OTOP1: variants seen among roughly 807,000 people sequenced by gnomAD.
OTOP1 encodes otopetrin 1.
In OTOP1, 59 loss-of-function variants were observed where a neutral mutation model predicts 52.9. The ratio of observed to expected loss-of-function variants is 1.12; its 90% CI spans 0.91 to 1.39. The LOEUF (loss-of-function observed/expected upper bound fraction) is 1.39, where lower values mean the gene tolerates loss of function less well. Among genes scored for constraint, OTOP1 ranks in the 40% most tolerant of loss-of-function variants. OTOP1 has a pLI of 0.00. For synonymous variants in OTOP1, 317 were observed against 337.7 expected (o/e 0.94, Z 0.67); for missense variants, 761 against 800.9 (o/e 0.95, Z 0.60).
intron 1 of OTOP1, among the ~76,000 whole-genome samples, chr4:4,214,096 A>G (rs1206542762): frequency 1.3e-5 from 2 of 152,208 alleles, no homozygotes; most frequent in Non-Finnish European, 2.9e-5. Context: ...GTCTCCAAAA[A>G]TCAATCAATC....
chr4:4,192,678 C>T (rs1326588869), intron 5 of OTOP1, among the ~76,000 whole-genome samples: 4 of 152,206 alleles, frequency 2.6e-5, no homozygotes, highest in Admixed American at 6.5e-5. Flanking sequence ...GTATCACCAT[C>T]TCCCCAGGAA....
At chr4:4,199,217 A>T (rs1716720178) in intron 4 of OTOP1, among the ~76,000 whole-genome samples, 1 of 46,516 alleles carries the variant, frequency 2.1e-5, no homozygotes, top group Non-Finnish European at 4.7e-5. Flanking sequence ...AACTCAGGTA[A>T]AATTGTGTGT....
intron 3 of OTOP1, among the ~76,000 whole-genome samples, chr4:4,203,149 A>C (rs753335439): frequency 6.6e-6 from 1 of 152,280 alleles, no homozygotes; most frequent in African/African-American, 2.4e-5. Flanking sequence ...TCTAATGGGC[A>C]CTACAGAAAT....
At chr4:4,225,448 A>C (rs1717407573) in intron 1 of OTOP1, among the ~76,000 whole-genome samples, 1 of 151,984 alleles carries the variant, frequency 6.6e-6, no homozygotes. Flanking sequence ...GTGTGTCTAT[A>C]GTTCCAGCTA....
intron 2 of OTOP1, among the ~76,000 whole-genome samples, chr4:4,212,640 A>C (rs529586679): frequency 1.3e-5 from 2 of 152,234 alleles, no homozygotes; most frequent in Non-Finnish European, 2.9e-5. Flanking sequence ...CATCATTAGA[A>C]GTTCTGCCTC....
intron 4 of OTOP1, among the ~76,000 whole-genome samples, chr4:4,199,659 T>G (rs1441514195): frequency 6.6e-6 from 1 of 152,180 alleles, no homozygotes. Flanking sequence ...GAGATCCGCC[T>G]GCCTCCGCCT....
intron 5 of OTOP1, among the ~76,000 whole-genome samples, chr4:4,193,140 T>A (rs1017683923): frequency 1.3e-5 from 2 of 152,028 alleles, no homozygotes; most frequent in Admixed American, 1.3e-4. Flanking sequence ...TAGGATAGAG[T>A]CTTGGCTCGC....
Position 4,220,067 on chromosome 4 carries a change from A to ATGTATATACG in OTOP1, c.403+6394_403+6395insCGTATATACA, listed in dbSNP as rs1336018187. The stretch of plus-strand genomic sequence containing the variant: ...CATATATACATATACGTGTATATAC[A>ATGTATATACG]TATATATGTATACATATATATATAT... On this transcript the variant is annotated intron_variant, in intron 1 of 5. Coordinates refer to ENST00000296358, the MANE Select transcript of OTOP1 (RefSeq NM_177998.3). 5.7e-3 allele frequency among the ~76,000 whole-genome samples: 732 copies of ATGTATATACG among 128,716 alleles called. 3 individuals are homozygous for ATGTATATACG. Among genetic ancestry groups the ATGTATATACG allele is most frequent in the Non-Finnish European group, 9.5e-3 (590 of 62,180 alleles). 84.4% of individuals were successfully genotyped at this position (128,716 alleles called of 152,430 possible).
intron 1 of OTOP1, among the ~76,000 whole-genome samples, chr4:4,223,707 C>T (rs1399880206): frequency 6.6e-6 from 1 of 151,902 alleles, no homozygotes; most frequent in African/African-American, 2.4e-5. Context: ...TGAGACCAAC[C>T]TGGCCAACAT....
intron 5 of OTOP1, among the ~76,000 whole-genome samples, 193 bp downstream of exon 5, chr4:4,196,973 C>T (rs918676315): frequency 6.6e-6 from 1 of 152,014 alleles, no homozygotes; most frequent in Non-Finnish European, 1.5e-5. Flanking sequence ...GGGGAGAGGC[C>T]GGAAGCGGGG....
rs893450493 is a variant in OTOP1, at chr4:4,226,831, G to A, written c.34C>T (p.Arg12Trp). 1.9e-5 allele frequency: 26 copies of A among 1,348,686 alleles called. No individual in the cohort carries two copies. In the African/African-American group the frequency reaches 2.8e-4, roughly 14 times the overall value. The allele number at this position is 1,348,686 out of a possible 1,614,324, so 83.5% of individuals were successfully genotyped here. A position where few individuals can be genotyped will look rare whatever the true frequency, so the allele number is the denominator to read the frequency against. ...GCGACCGAGGCGCTTGCAGCTGCCC[G>A]GGGCGAGGCGGGCGACCCCAGGCCC... is the stretch of plus-strand genomic sequence containing the variant. ...LEGLGSPASP[R>W]AAASASVAGS... Residue 12 changes from arginine (R) to tryptophan (W), a missense_variant, in exon 1 of 6, where the codon CGG (arginine) becomes TGG (tryptophan). Around this residue, in one of 3 missense-constraint regions of OTOP1, gnomAD observed 73 missense variants for 75.7 expected, o/e 0.96. Coordinates refer to ENST00000296358, the MANE Select transcript of OTOP1 (RefSeq NM_177998.3).
chr4:4,218,726 G>A (rs557705464), intron 1 of OTOP1, among the ~76,000 whole-genome samples: 2 of 152,184 alleles, frequency 1.3e-5, no homozygotes, highest in South Asian at 2.1e-4. Flanking sequence ...TCAGGAGTTC[G>A]AGACCAGCCG....
intron 1 of OTOP1, among the ~76,000 whole-genome samples, chr4:4,224,397 T>C (rs561655142): frequency 1.7e-5 from 2 of 116,896 alleles, no homozygotes; most frequent in African/African-American, 6.7e-5. Context: ...GGCGAGGGAA[T>C]AGGGAGGGAG....
intron 4 of OTOP1, among the ~76,000 whole-genome samples, chr4:4,199,855 C>A (rs1716741389): frequency 6.6e-6 from 1 of 152,140 alleles, no homozygotes; most frequent in Non-Finnish European, 1.5e-5. Context: ...TTTTTTGTAG[C>A]AGAAATAATT....
At chr4:4,215,391 G>C (rs755186065) in intron 1 of OTOP1, among the ~76,000 whole-genome samples, 10 of 152,206 alleles carry the variant, frequency 6.6e-5, no homozygotes, top group Non-Finnish European at 8.8e-5. Context: ...GCTGGGTGCA[G>C]TGGCTCACAC....
chr4:4,200,538 T>C (rs1376141108), intron 4 of OTOP1, among the ~76,000 whole-genome samples: 2 of 151,148 alleles, frequency 1.3e-5, no homozygotes, highest in Admixed American at 6.6e-5. Flanking sequence ...CAGAACACTA[T>C]GAAATTTTCT....
In OTOP1 at chr4:4,226,737, G is replaced by A. The variant is rs2980146; in HGVS notation, c.128C>T (p.Ala43Val). The A allele has an allele frequency of 8.6e-3, 12,010 of 1,396,616 alleles. 878 individuals are homozygous for A. The African/African-American group carries it at 0.16, about 19-fold the overall frequency. 86.5% of individuals were successfully genotyped at this position (1,396,616 alleles called of 1,614,324 possible). ...GGCGCGCACACCGCCCCGCCGGGGG[G>A]CCGGGGATTCCGGGGACCTCGGGGC... is the stretch of plus-strand genomic sequence containing the variant. Reference protein sequence around the residue: ...SSAPRSPESPAPRRGGVRASV... With the variant: ...SSAPRSPESPVPRRGGVRASV... The change falls in exon 1 of 6, where the codon GCC becomes GTC. Residue 43 changes from alanine to valine, a missense_variant. By Grantham distance (64) the Ala-to-Val change is moderately conservative (BLOSUM62 0). Transcript: ENST00000296358.
intron 5 of OTOP1, among the ~76,000 whole-genome samples, chr4:4,196,794 T>A (rs931859618): frequency 2.0e-5 from 3 of 152,216 alleles, no homozygotes; most frequent in African/African-American, 7.2e-5. Flanking sequence ...TAAAAAAGAA[T>A]GAAATCACAC....
chr4:4,189,433 T>C (rs1366225679), intron 5 of OTOP1, among the ~76,000 whole-genome samples: 3 of 152,214 alleles, frequency 2.0e-5, no homozygotes, highest in African/African-American at 7.2e-5. Flanking sequence ...TCTCCCCCTG[T>C]GCCACCTCTT....
Sources: gnomAD v4.1 joint callset for allele counts (sites outside exome capture counted in the v4.1 genomes callset) on GRCh38, gnomAD v4.1.1 for gene constraint, gnomAD v4.1.1 regional missense constraint, MANE v1.5 for transcripts, NCBI Gene and HGNC (gene_info 2026-07-23, HGNC 2026-07-21) for gene names.